FHIT: variants seen among roughly 807,000 people sequenced by gnomAD.
FHIT encodes the protein fragile histidine triad diadenosine triphosphatase.
FHIT carries 19 observed loss-of-function variants against 17.9 expected under a neutral mutation model. That is an observed-to-expected ratio of 1.06 (90% CI 0.74 to 1.56). The LOEUF is 1.56. Ranked by LOEUF, FHIT falls within the 40% of genes most tolerant of loss-of-function variation. The pLI is 0.00. For synonymous variants in FHIT, 81 were observed against 69.7 expected, an observed-to-expected ratio of 1.16 and a Z score of -0.81; for missense variants, 248 against 189.2, an observed-to-expected ratio of 1.31 and a Z score of -1.82.
At chr3:60,421,708 A>G (rs1244531731) in intron 5 of FHIT, among the ~76,000 whole-genome samples, 4 of 152,124 alleles carry the variant, frequency 2.6e-5, no homozygotes, top group Non-Finnish European at 5.9e-5. Flanking sequence ...AACTTTCTCC[A>G]ATTTTTCCCT....
intron 4 of FHIT, among the ~76,000 whole-genome samples, chr3:60,606,875 C>G (rs546753622): frequency 6.6e-6 from 1 of 152,084 alleles, no homozygotes; most frequent in Non-Finnish European, 1.5e-5. Flanking sequence ...GTTAACTCCC[C>G]GATATCCTTC....
intron 8 of FHIT, among the ~76,000 whole-genome samples, chr3:59,845,017 G>A (rs1320538482): frequency 2.0e-5 from 3 of 151,708 alleles, no homozygotes; most frequent in East Asian, 1.9e-4. Flanking sequence ...AGTCTCATAG[G>A]TTTTGTGTTT....
chr3:61,167,787 T>C (rs1257421337), intron 2 of FHIT, among the ~76,000 whole-genome samples: 2 of 152,152 alleles, frequency 1.3e-5, no homozygotes, highest in African/African-American at 2.4e-5. Context: ...AGTTATTCAA[T>C]GTTTTTGGAG....
At chr3:60,713,600 T>G (rs1447797318) in intron 4 of FHIT, among the ~76,000 whole-genome samples, 1 of 151,998 alleles carries the variant, frequency 6.6e-6, no homozygotes, top group Admixed American at 6.6e-5. Context: ...GGGGATATCA[T>G]CACTGATCCC....
intron 3 of FHIT, among the ~76,000 whole-genome samples, chr3:60,932,556 T>A (rs1255919850): frequency 2.6e-5 from 4 of 152,200 alleles, no homozygotes; most frequent in African/African-American, 4.8e-5. Context: ...ACTGAGACTT[T>A]TGACAAGTGC....
chr3:60,104,294 T>C (rs777523635), intron 5 of FHIT, among the ~76,000 whole-genome samples: 7 of 152,162 alleles, frequency 4.6e-5, no homozygotes, highest in Non-Finnish European at 7.4e-5. Context: ...ATACCAACTC[T>C]GTGCTAGAAC....
intron 2 of FHIT, among the ~76,000 whole-genome samples, chr3:61,131,258 C>T (rs772128879): frequency 6.6e-6 from 1 of 152,212 alleles, no homozygotes; most frequent in Non-Finnish European, 1.5e-5. Context: ...AGAAGCAAAA[C>T]TCATCTTTCT....
intron 5 of FHIT, among the ~76,000 whole-genome samples, chr3:60,076,355 G>A (rs1185054956): frequency 4.6e-5 from 7 of 152,048 alleles, no homozygotes; most frequent in Admixed American, 4.6e-4. Flanking sequence ...AGTTGGATAT[G>A]CCAGAAACTC....
intron 5 of FHIT, among the ~76,000 whole-genome samples, chr3:60,043,145 A>G (rs996691508): frequency 2.0e-5 from 3 of 152,202 alleles, no homozygotes; most frequent in African/African-American, 7.2e-5. Flanking sequence ...TGACAGCTGG[A>G]CAGTTAAAAG....
At chr3:61,125,579 C>T (rs1274407249) in intron 2 of FHIT, among the ~76,000 whole-genome samples, 1 of 152,152 alleles carries the variant, frequency 6.6e-6, no homozygotes, top group African/African-American at 2.4e-5. Context: ...TCACTCAATT[C>T]TTAATAGATG....
intron 5 of FHIT, among the ~76,000 whole-genome samples, chr3:60,393,137 G>A (rs1203459864): frequency 6.6e-6 from 1 of 151,982 alleles, no homozygotes; most frequent in East Asian, 1.9e-4. Context: ...AGTCTGTAAA[G>A]GGCACTCATT....
intron 4 of FHIT, among the ~76,000 whole-genome samples, chr3:60,688,720 C>A (rs1384883734): frequency 1.3e-5 from 2 of 152,124 alleles, no homozygotes; most frequent in Admixed American, 1.3e-4. Context: ...GTGTAAGCCC[C>A]TGTGTCCGGC....
chr3:60,160,026 T>TA (rs1478131887), intron 5 of FHIT, among the ~76,000 whole-genome samples: 1 of 152,196 alleles, frequency 6.6e-6, no homozygotes, highest in Non-Finnish European at 1.5e-5. Flanking sequence ...ATGTCTGCTA[T>TA]ACAGAGAAAC....
At chr3:60,415,047 C>G (rs569029140) in intron 5 of FHIT, among the ~76,000 whole-genome samples, 1 of 152,048 alleles carries the variant, frequency 6.6e-6, no homozygotes, top group Non-Finnish European at 1.5e-5. Flanking sequence ...AAGTGAGGCC[C>G]GGGAATGTGC....
intron 5 of FHIT, among the ~76,000 whole-genome samples, chr3:60,475,137 C>A (rs2033280914): frequency 1.4e-5 from 2 of 146,080 alleles, no homozygotes; most frequent in South Asian, 4.1e-4. Context: ...GCTGTAGCAA[C>A]TGTCGAAGTG....
intron 5 of FHIT, among the ~76,000 whole-genome samples, chr3:60,521,492 C>A (rs2035364670): frequency 2.0e-5 from 3 of 152,244 alleles, no homozygotes; most frequent in South Asian, 4.2e-4. Flanking sequence ...CGTGATCCGC[C>A]CACCTCGGCC....
intron 2 of FHIT, among the ~76,000 whole-genome samples, chr3:61,177,176 CAA>C (rs776705930): frequency 8.7e-5 from 8 of 92,340 alleles, no homozygotes; most frequent in Admixed American, 2.6e-4. Context: ...GACTCCATCT[CAA>C]AAAAAAAAAA....
chr3:60,482,904 T>G (rs2033674665), intron 5 of FHIT, among the ~76,000 whole-genome samples: 1 of 150,906 alleles, frequency 6.6e-6, no homozygotes, highest in South Asian at 2.1e-4. Context: ...CTGGTTTTCT[T>G]GAAAAAAATA....
chr3:60,955,597 CATATATATATAT>C (rs201555469), intron 3 of FHIT, among the ~76,000 whole-genome samples: 5 of 77,654 alleles, frequency 6.4e-5, no homozygotes, highest in South Asian at 3.7e-4. Context: ...CATATATATA[CATATATATATAT>C]ATATATATAT....
Sources: gnomAD v4.1 joint callset for allele counts (sites outside exome capture counted in the v4.1 genomes callset) on GRCh38, gnomAD v4.1.1 for gene constraint, MANE v1.5 for transcripts, NCBI Gene and HGNC (gene_info 2026-07-23, HGNC 2026-07-21) for gene names.